The following EMC2 variants were observed in gnomAD, a reference collection of about 807,000 sequenced individuals.
EMC2 encodes the protein ER membrane protein complex subunit 2.
A neutral mutation model predicts 51.6 loss-of-function variants in EMC2; 37 were observed. The ratio of observed to expected loss-of-function variants is 0.72; its 90% CI spans 0.55 to 0.94. The LOEUF (loss-of-function observed/expected upper bound fraction) is 0.94, where lower values mean the gene tolerates loss of function less well. Ranked by LOEUF, EMC2 falls within the 40% of genes least tolerant of loss-of-function variation. The probability of loss-of-function intolerance (pLI) is 0.00; values close to 1 mark genes in which losing one functional copy is unlikely to be tolerated. For missense variants in EMC2, 359 were observed against 350.9 expected (o/e 1.02, Z -0.18); for synonymous variants, 131 against 112.4 (o/e 1.17, Z -1.04).
chr8:108,449,616 G>C (rs1818967270), intron 1 of EMC2, among the ~76,000 whole-genome samples: 1 of 152,066 alleles, frequency 6.6e-6, no homozygotes, highest in South Asian at 2.1e-4. Context: ...TTGTAATGCT[G>C]TTTCAGTCTT....
intron 5 of EMC2, among the ~76,000 whole-genome samples, chr8:108,468,760 A>G (rs1308127105): frequency 1.3e-5 from 2 of 152,210 alleles, no homozygotes; most frequent in Non-Finnish European, 2.9e-5. Context: ...CAGTTATAGT[A>G]TGGTTTATTG....
intron 1 of EMC2, among the ~76,000 whole-genome samples, chr8:108,447,462 C>G (rs780165698): frequency 5.9e-5 from 9 of 152,060 alleles, no homozygotes; most frequent in Admixed American, 5.9e-4. Context: ...CTGTAATTAT[C>G]AACCTTTTAA....
chr8:108,457,728 T>A (rs1819204882), intron 5 of EMC2, among the ~76,000 whole-genome samples: 1 of 152,138 alleles, frequency 6.6e-6, no homozygotes, highest in African/African-American at 2.4e-5. Context: ...ATTGTGGAAG[T>A]TACAATTCAA....
chr8:108,465,989 A>G (rs774469849), intron 5 of EMC2, among the ~76,000 whole-genome samples: 2 of 152,204 alleles, frequency 1.3e-5, no homozygotes, highest in Non-Finnish European at 1.5e-5. Context: ...TGATGATGTG[A>G]TAATGAAGAA....
At position 108,489,181 on chromosome 8, in the gene EMC2, A is replaced by G. The variant is rs1811196152; in HGVS notation, c.*2583A>G. Among the ~76,000 whole-genome samples, 1 of 152,210 alleles carries G rather than the reference A, an allele frequency of 6.6e-6. No homozygotes were observed. Among genetic ancestry groups the G allele is most frequent in the Admixed American group, 6.5e-5 (1 of 15,284 alleles). On this transcript the variant is annotated 3_prime_UTR_variant, in exon 11 of 11. Coordinates refer to ENST00000220853, the MANE Select transcript of EMC2 (RefSeq NM_014673.5). ...TATTAAATGAGAAAAAATAAACTCC[A>G]GATTGTTTAAGACACTGTTTGGTTT... is the stretch of plus-strand genomic sequence containing the variant.
chr8:108,454,432 A>C (rs1436486611), intron 4 of EMC2, among the ~76,000 whole-genome samples: 1 of 152,062 alleles, frequency 6.6e-6, no homozygotes. Context: ...AGAACTATCC[A>C]AGTCAACTTT....
At chr8:108,460,237 C>T (rs1371916501) in intron 5 of EMC2, among the ~76,000 whole-genome samples, 1 of 152,152 alleles carries the variant, frequency 6.6e-6, no homozygotes. Flanking sequence ...TCTCAGTTTA[C>T]ATTGGGAATT....
In EMC2 at chr8:108,486,875, G is replaced by A. The variant is rs1341029387; in HGVS notation, c.*277G>A. ...TGTATATATATAAAACTCTAATGTA[G>A]TATAACCTTGTTAAATAAACCATGA... On this transcript the variant is annotated 3_prime_UTR_variant, in exon 11 of 11. Coordinates refer to ENST00000220853, the MANE Select transcript of EMC2 (RefSeq NM_014673.5). 2 of 235,678 alleles carry A rather than the reference G, an allele frequency of 8.5e-6. No individual in the cohort carries two copies. The highest frequency in any genetic ancestry group is 4.5e-5 in the African/African-American group (2 of 44,386). The allele number at this position is 235,678 out of a possible 1,614,324, so 14.6% of individuals were successfully genotyped here. A position where few individuals can be genotyped will look rare whatever the true frequency, so the allele number is the denominator to read the frequency against.
intron 5 of EMC2, among the ~76,000 whole-genome samples, chr8:108,469,477 C>G (rs1810807836): frequency 6.6e-6 from 1 of 152,048 alleles, no homozygotes; most frequent in East Asian, 1.9e-4. Context: ...CTGTTCCTCC[C>G]CCTCTTAGGA....
intron 7 of EMC2, among the ~76,000 whole-genome samples, chr8:108,471,726 G>A (rs566964787): frequency 6.6e-6 from 1 of 151,726 alleles, no homozygotes; most frequent in East Asian, 1.9e-4. Context: ...GAGATATAAA[G>A]GTTGTTTTAT....
At chr8:108,464,769 A>G (rs545974065) in intron 5 of EMC2, among the ~76,000 whole-genome samples, 11 of 152,340 alleles carry the variant, frequency 7.2e-5, no homozygotes, top group East Asian at 1.9e-4. Context: ...GCAGGCAACA[A>G]TGCTGCTGAA....
intron 5 of EMC2, among the ~76,000 whole-genome samples, chr8:108,466,442 A>ATTTTTTTTTTTTTTTTTT (rs869102478): frequency 1.1e-5 from 1 of 91,036 alleles, no homozygotes; most frequent in African/African-American, 4.7e-5. Context: ...CTATGATAGA[A>ATTTTTTTTTTTTTTTTTT]TTTTTTTTTT....
intron 5 of EMC2, chr8:108,464,166 TC>T (rs1459854624): frequency 2.0e-5 from 3 of 152,182 alleles, no homozygotes; most frequent in East Asian, 3.9e-4. Flanking sequence ...CAGTTAACAC[TC>T]AGCCAGTTCC....
intron 9 of EMC2, among the ~76,000 whole-genome samples, chr8:108,477,122 G>C (rs1810961570): frequency 6.6e-6 from 1 of 151,738 alleles, no homozygotes; most frequent in South Asian, 2.1e-4. Flanking sequence ...TATCAGAATT[G>C]AAATCTGCCC....
intron 5 of EMC2, among the ~76,000 whole-genome samples, chr8:108,467,459 C>T (rs1054930416): frequency 2.0e-5 from 3 of 152,112 alleles, no homozygotes; most frequent in Non-Finnish European, 4.4e-5. Flanking sequence ...GTTGATTCTC[C>T]TGCCTCAGCC....
chr8:108,470,396 A>T (rs368858182), intron 7 of EMC2, among the ~76,000 whole-genome samples: 1 of 152,218 alleles, frequency 6.6e-6, no homozygotes, highest in South Asian at 2.1e-4. Flanking sequence ...TTCTTTGGAA[A>T]TAAAAAGGCC....
chr8:108,462,093 C>A (rs551214027), intron 5 of EMC2, among the ~76,000 whole-genome samples: 1 of 152,236 alleles, frequency 6.6e-6, no homozygotes, highest in East Asian at 1.9e-4. Flanking sequence ...AGGCATGAGC[C>A]AATGCGCCCG....
intron 9 of EMC2, among the ~76,000 whole-genome samples, chr8:108,478,777 A>G (rs772992469): frequency 2.6e-5 from 4 of 151,878 alleles, no homozygotes; most frequent in Non-Finnish European, 5.9e-5. Context: ...AATTTTAGGT[A>G]TTATTTAAAA....
intron 1 of EMC2, among the ~76,000 whole-genome samples, chr8:108,448,679 G>T (rs921516399): frequency 2.0e-5 from 3 of 152,098 alleles, no homozygotes; most frequent in Admixed American, 6.5e-5. Flanking sequence ...TTTGTAAATT[G>T]CCCAGTCTCG....
Sources: allele counts gnomAD v4.1 joint callset (sites outside exome capture counted in the v4.1 genomes callset), GRCh38; gene constraint gnomAD v4.1.1; transcripts MANE v1.5; gene names NCBI Gene and HGNC (gene_info 2026-07-23, HGNC 2026-07-21).